Variants in NOL8 observed in about 807,000 individuals in gnomAD.
NOL8 encodes the protein nucleolar protein 8, also known as nucleolar protein Nop132.
Under a neutral mutation model 116.1 loss-of-function variants are expected in NOL8, and 93 were observed. That is an observed-to-expected ratio of 0.80 (90% CI 0.68 to 0.95). The LOEUF is 0.95. Among genes scored for constraint, NOL8 ranks in the 40% least tolerant of loss-of-function variants. The probability of loss-of-function intolerance (pLI) is 0.00; values close to 1 mark genes in which losing one functional copy is unlikely to be tolerated. For missense variants in NOL8, 1,291 were observed against 1,382.8 expected (o/e 0.93, Z 1.05); for synonymous variants, 419 against 469.0 (o/e 0.89, Z 1.38).
Position 92,323,897 on chromosome 9 carries a change from C to G in NOL8, c.139+126G>C, listed in dbSNP as rs1840161580. 4 of 1,039,128 alleles carry G rather than the reference C, an allele frequency of 3.8e-6. No individual in the cohort carries two copies. The South Asian group carries it at 7.3e-5, about 19-fold the overall frequency. 64.4% of individuals were successfully genotyped at this position (1,039,128 alleles called of 1,614,324 possible). ...GTCAAGTTCCACATCACACATTATA[C>G]CTCCACAACATCACTTAAAACTTTT... On this transcript the variant is annotated intron_variant, in intron 2 of 16. Coordinates refer to ENST00000442668, the MANE Select transcript of NOL8 (RefSeq NM_017948.6).
At position 92,315,746 on chromosome 9, in the gene NOL8, C is replaced by T; in HGVS notation, c.879G>A (p.Lys293=). Residue 293 remains lysine (K), a synonymous_variant, in exon 7 of 17, where the codon AAG becomes AAA. Coordinates refer to ENST00000442668, the MANE Select transcript of NOL8 (RefSeq NM_017948.6). ...FKTSGLETAK[K]RNSISDDDTD... ...TATCATCATCAGAAATGCTGTTTCT[C>T]TTCTTGGCAGTTTCCAAGCCAGAAG... 1 of 1,613,392 alleles carries T rather than the reference C, an allele frequency of 6.2e-7. No homozygotes were observed. Among genetic ancestry groups the T allele is most frequent in the South Asian group, 1.1e-5 (1 of 90,986 alleles).
chr9:92,317,203 TC>T (rs1839492484), intron 6 of NOL8, among the ~76,000 whole-genome samples: 1 of 152,124 alleles, frequency 6.6e-6, no homozygotes, highest in Admixed American at 6.5e-5. Flanking sequence ...GCTCAAGTGA[TC>T]CCCCAGTGGC....
At chr9:92,308,643 C>T (rs1014776670) in intron 10 of NOL8, among the ~76,000 whole-genome samples, 7 of 152,128 alleles carry the variant, frequency 4.6e-5, no homozygotes, top group African/African-American at 1.7e-4. Flanking sequence ...TGGGAAGAAC[C>T]CATATTTGGA....
chr9:92,310,754 C>T (rs925088798), intron 8 of NOL8, 79 bp from the exon 9 acceptor site: 16 of 1,450,128 alleles, frequency 1.1e-5, no homozygotes, highest in Non-Finnish European at 1.5e-5. Context: ...TTCTCCCTCA[C>T]ATTGAAAGCC....
rs1382352776 is a variant in NOL8 at position 92,301,654 on chromosome 9, T to C, written c.3072A>G (p.Lys1024=). Residue 1024 remains lysine, a synonymous_variant, in exon 13 of 17, where the codon AAA becomes AAG. Coordinates refer to ENST00000442668, the MANE Select transcript of NOL8 (RefSeq NM_017948.6). ...TPWNEDCGKE[K]PEEIQDPAAL... ...CTGCAGGGTCCTGGATTTCCTCAGGTTTCTCTTTACCACAGTCCTCATTCC... is the reference window on the plus strand; with the variant it reads ...CTGCAGGGTCCTGGATTTCCTCAGGCTTCTCTTTACCACAGTCCTCATTCC... 1 of 1,601,804 alleles carries C rather than the reference T, an allele frequency of 6.2e-7. No homozygotes were observed. The highest frequency in any genetic ancestry group is 2.2e-5 in the East Asian group (1 of 44,712).
At chr9:92,310,099 AAGG>A in intron 10 of NOL8, 69 bp downstream of exon 10, 1 of 1,041,526 alleles carries the variant, frequency 9.6e-7, no homozygotes, top group African/African-American at 1.6e-5. Context: ...GTGTTAAACA[AAGG>A]AGGTATACTA....
Position 92,315,962 on chromosome 9 carries a change from T to C in NOL8, c.663A>G (p.Ile221Met). The stretch of plus-strand genomic sequence containing the variant: ...TGGAACTCTCATCCTTCTGCACTTT[T>C]ATTATCTTCTTGGGAGGGCCATGAA... ...SDFHGPPKKI[I>M]KVQKDESSTG... The change falls in exon 7 of 17, where the codon ATA becomes ATG. Residue 221 changes from isoleucine (I) to methionine (M), a missense_variant. Physicochemically the swap from Ile to Met is conservative, Grantham distance 10. Transcript: ENST00000442668. 5 of 1,613,966 alleles carry C rather than the reference T, an allele frequency of 3.1e-6. No homozygotes were observed. Among genetic ancestry groups the C allele is most frequent in the Non-Finnish European group, 4.2e-6 (5 of 1,179,890 alleles).
chr9:92,321,287 A>G (rs1191000089), intron 4 of NOL8, among the ~76,000 whole-genome samples: 2 of 152,224 alleles, frequency 1.3e-5, no homozygotes, highest in Non-Finnish European at 2.9e-5. Context: ...CATCAGTGGG[A>G]AGGGACCACT....
chr9:92,307,464 T>C (rs1838379570), intron 10 of NOL8, among the ~76,000 whole-genome samples: 1 of 152,190 alleles, frequency 6.6e-6, no homozygotes. Context: ...TATTAGTGGA[T>C]AGTTGTTTCA....
At chr9:92,313,215 A>G (rs1005470383) in intron 7 of NOL8, among the ~76,000 whole-genome samples, 8 of 152,064 alleles carry the variant, frequency 5.3e-5, no homozygotes, top group African/African-American at 1.9e-4. Flanking sequence ...CAGTCAATCT[A>G]TTCCCATTGC....
rs754579908 is a variant in NOL8, at chr9:92,297,878, T to C, written c.3462A>G (p.Arg1154=). The change falls in exon 17 of 17, where the codon CGA becomes CGG. Residue 1154 remains arginine (R), a synonymous_variant. Coordinates refer to ENST00000442668, the MANE Select transcript of NOL8 (RefSeq NM_017948.6). ...ARTTNLRMDC[R]KKHKDAKRKM... is the part of the protein sequence containing the mutation. ...TCCTTTTTGCGTCTTTATGTTTCTT[T>C]CGACAATCCTAGGAAAAAAAAAAGA... is the stretch of plus-strand genomic sequence containing the variant. The C allele has an allele frequency of 1.3e-6, 2 of 1,546,014 alleles. No homozygotes were observed. Among genetic ancestry groups the C allele is most frequent in the South Asian group, 1.2e-5 (1 of 82,004 alleles).
rs778762380 is a variant in NOL8, at chr9:92,319,346, CTT to C, written c.290_291del (p.Gln97ArgfsTer8). 5.1e-6 allele frequency: 8 copies of C among 1,566,002 alleles called. No individual in the cohort carries two copies. Among genetic ancestry groups the C allele is most frequent in the East Asian group, 4.8e-5 (2 of 41,660 alleles). ...TTCTTAGCTTTTGCTGCTTCTCTCT[CTT>C]GGGCCAATCTGAATCAAAAAGAAAA... is the stretch of plus-strand genomic sequence containing the variant. ...AKESFLHRLA[Q>X]EREAAKAKKE... On this transcript the variant is annotated frameshift_variant, in exon 5 of 17. Coordinates refer to ENST00000442668, the MANE Select transcript of NOL8 (RefSeq NM_017948.6). LOFTEE classifies it high-confidence loss of function.
chr9:92,303,284 T>C (rs73516599), intron 12 of NOL8, among the ~76,000 whole-genome samples: 4,653 of 152,256 alleles, frequency 0.031, 255 homozygotes, highest in African/African-American at 0.11. Flanking sequence ...GTTGGCAAAC[T>C]ATAGTCCATG....
intron 7 of NOL8, 107 bp downstream of exon 7, chr9:92,314,160 G>A: frequency 7.3e-7 from 1 of 1,366,216 alleles, no homozygotes; most frequent in Non-Finnish European, 9.5e-7. Context: ...CATGAAACTG[G>A]TGAACACCAA....
intron 10 of NOL8, 64 bp from the exon 11 acceptor site, chr9:92,307,088 A>G (rs1413529395): frequency 4.6e-6 from 7 of 1,508,534 alleles, no homozygotes; most frequent in African/African-American, 1.4e-5. Context: ...CTCAATCATC[A>G]AATATTTACC....
chr9:92,318,397 C>A (rs189636076), intron 6 of NOL8, among the ~76,000 whole-genome samples: 1 of 152,288 alleles, frequency 6.6e-6, no homozygotes, highest in Non-Finnish European at 1.5e-5. Context: ...AATAAACCAA[C>A]CTGCTTCTTT....
chr9:92,301,411 T>TGA, intron 13 of NOL8, 140 bp downstream of exon 13: 1 of 667,630 alleles, frequency 1.5e-6, no homozygotes, highest in Non-Finnish European at 2.4e-6. Context: ...TATGCTCCTG[T>TGA]GACACTAAAT....
Position 92,311,198 on chromosome 9 carries a change from G to C in NOL8, c.2420C>G (p.Thr807Arg). 2 of 1,613,822 alleles carry C rather than the reference G, an allele frequency of 1.2e-6. No individual in the cohort carries two copies. Residue 807 changes from threonine (T) to arginine (R), a missense_variant, in exon 8 of 17, where the codon ACA becomes AGA. Thr to Arg is a moderately conservative substitution (Grantham distance 71). Coordinates refer to ENST00000442668, the MANE Select transcript of NOL8 (RefSeq NM_017948.6). ...IIFGSDSECETEETSTQEQSH... is the reference protein window; with the variant it reads ...IIFGSDSECEREETSTQEQSH... Reference sequence around the variant, plus strand: ...CTGCTCCTGAGTCGATGTCTCCTCTGTTTCACATTCACTGTCAGAACCGAA... The same window carrying C: ...CTGCTCCTGAGTCGATGTCTCCTCTCTTTCACATTCACTGTCAGAACCGAA...
chr9:92,298,461 C>T, intron 15 of NOL8, 125 bp from the exon 16 acceptor site: 1 of 582,994 alleles, frequency 1.7e-6, no homozygotes, highest in Non-Finnish European at 3.0e-6. Context: ...CAGTTTCTAC[C>T]TATTTTCAAA....
Sources: allele counts gnomAD v4.1 joint callset (sites outside exome capture counted in the v4.1 genomes callset), GRCh38; gene constraint gnomAD v4.1.1; transcripts MANE v1.5; gene names NCBI Gene and HGNC (gene_info 2026-07-23, HGNC 2026-07-21).